The following USP48 variants were observed in gnomAD, a reference collection of about 807,000 sequenced individuals.
USP48 encodes the protein ubiquitin carboxyl-terminal hydrolase 48.
In USP48, 43 loss-of-function variants were observed where a neutral mutation model predicts 150.7. The ratio of observed to expected loss-of-function variants is 0.29; its 90% CI spans 0.22 to 0.37. USP48 has a LOEUF of 0.37. USP48 is among the 10% of genes least tolerant of loss of function. USP48 has a pLI of 1.00. For missense variants in USP48, 813 were observed against 1,249.6 expected (o/e 0.65, Z 5.27); for synonymous variants, 396 against 425.9 (o/e 0.93, Z 0.86).
At chr1:21,781,991 T>C (rs190617702) in intron 1 of USP48, 69 of 152,322 alleles carry the variant, frequency 4.5e-4, no homozygotes, top group African/African-American at 1.6e-3. Flanking sequence ...AGACCATGAC[T>C]TCCATTCCTT....
intron 9 of USP48, among the ~76,000 whole-genome samples, chr1:21,731,513 C>T (rs974318633): frequency 2.0e-5 from 3 of 151,822 alleles, no homozygotes; most frequent in Non-Finnish European, 4.4e-5. Context: ...ATCCTCCCTC[C>T]TCGGCCTCCC....
intron 26 of USP48, among the ~76,000 whole-genome samples, chr1:21,680,505 T>A (rs2097562984): frequency 6.6e-6 from 1 of 152,186 alleles, no homozygotes; most frequent in South Asian, 2.1e-4. Flanking sequence ...AGGTTAAAAA[T>A]AAATCTTGAA....
chr1:21,696,401 G>GCACTC (rs1448901226), intron 22 of USP48, among the ~76,000 whole-genome samples: 1 of 152,226 alleles, frequency 6.6e-6, no homozygotes, highest in Non-Finnish European at 1.5e-5. Context: ...TTGCGCCACT[G>GCACTC]CACTCCAGCC....
At chr1:21,780,804 G>A (rs1037748129) in intron 1 of USP48, among the ~76,000 whole-genome samples, 6 of 146,156 alleles carry the variant, frequency 4.1e-5, no homozygotes, top group East Asian at 2.0e-4. Context: ...GTGCAGTGGC[G>A]TGATCTCGGC....
At chr1:21,767,616 A>C (rs1328545809) in intron 1 of USP48, among the ~76,000 whole-genome samples, 3 of 147,228 alleles carry the variant, frequency 2.0e-5, no homozygotes, top group Admixed American at 6.8e-5. Context: ...AGCCACCGCG[A>C]CCCGGCCAGG....
chr1:21,777,940 G>T (rs1277612074), intron 1 of USP48, among the ~76,000 whole-genome samples: 1 of 144,244 alleles, frequency 6.9e-6, no homozygotes, highest in Non-Finnish European at 1.5e-5. Flanking sequence ...AGCCTGGCCA[G>T]CATAGTGAAA....
intron 11 of USP48, among the ~76,000 whole-genome samples, chr1:21,725,637 C>G (rs999474200): frequency 2.0e-5 from 3 of 148,562 alleles, no homozygotes; most frequent in African/African-American, 7.6e-5. Flanking sequence ...ACTGTAATAC[C>G]AGCTATTCGG....
intron 25 of USP48, among the ~76,000 whole-genome samples, chr1:21,681,844 A>C (rs1490172703): frequency 6.6e-6 from 1 of 152,116 alleles, no homozygotes; most frequent in African/African-American, 2.4e-5. Flanking sequence ...CTCTGTATTT[A>C]TCTCCAATTC....
At position 21,706,607 on chromosome 1, in the gene USP48, A is replaced by G. The variant is rs776989086; in HGVS notation, c.2089-18T>C. ...TCTAAAATCTGAAAGAGAATGAAGCAATCAACTGTCTCCTGCTGACAGCAC... is the reference window on the plus strand; with the variant it reads ...TCTAAAATCTGAAAGAGAATGAAGCGATCAACTGTCTCCTGCTGACAGCAC... On this transcript the variant is annotated intron_variant, in intron 16 of 26. Transcript: ENST00000308271. 1.9e-6 allele frequency: 3 copies of G among 1,614,034 alleles called. No individual in the cohort carries two copies. The African/African-American group carries it at 4.0e-5, about 22-fold the overall frequency.
intron 1 of USP48, among the ~76,000 whole-genome samples, chr1:21,771,381 A>G (rs527276152): frequency 1.2e-3 from 172 of 148,942 alleles, no homozygotes; most frequent in African/African-American, 4.1e-3. Flanking sequence ...CTCAAAAAAA[A>G]ATAAATTATT....
intron 8 of USP48, among the ~76,000 whole-genome samples, chr1:21,743,944 A>G (rs1341970077): frequency 6.6e-6 from 1 of 151,988 alleles, no homozygotes. Context: ...CAAGATCACT[A>G]AAAAAAAGAA....
intron 23 of USP48, 81 bp downstream of exon 23, chr1:21,694,985 A>G (rs1425775512): frequency 2.1e-6 from 3 of 1,410,802 alleles, no homozygotes; most frequent in African/African-American, 2.9e-5. Context: ...ATACATACAT[A>G]TATGTAAATA....
Position 21,704,398 on chromosome 1 carries a change from C to CA in USP48, c.2385-7dup, listed in dbSNP as rs749210471. ...TGGGCCATATGAGAGCTATACTGTG[C>CA]AAAAAAAAAACACAACATGCCTTAA... On this transcript the variant is annotated splice_region_variant and splice_polypyrimidine_tract_variant and intron_variant, in intron 19 of 26. Transcript: ENST00000308271. 20,618 of 1,144,608 alleles carry CA rather than the reference C, an allele frequency of 0.018. 5 individuals are homozygous for CA. Among genetic ancestry groups the CA allele is most frequent in the South Asian group, 0.038 (2,189 of 57,482 alleles). The allele number at this position is 1,144,608 out of a possible 1,614,324, so 70.9% of individuals were successfully genotyped here.
chr1:21,752,422 G>A, intron 5 of USP48, 105 bp downstream of exon 5: 1 of 1,368,776 alleles, frequency 7.3e-7, no homozygotes, highest in Non-Finnish European at 1.0e-6. Flanking sequence ...CAGGTCCCAT[G>A]ATAAACCACT....
chr1:21,688,280 G>A (rs899202656), intron 24 of USP48, among the ~76,000 whole-genome samples: 8 of 151,826 alleles, frequency 5.3e-5, no homozygotes, highest in Non-Finnish European at 1.0e-4. Context: ...GTGCAGTGGC[G>A]CAATCTCGGC....
chr1:21,687,145 C>T (rs370653900), intron 25 of USP48, 46 bp downstream of exon 25: 8 of 1,579,930 alleles, frequency 5.1e-6, no homozygotes, highest in Non-Finnish European at 6.1e-6. Flanking sequence ...ATCCCACCTC[C>T]GTCTAAAACC....
At chr1:21,721,300 C>A in intron 13 of USP48, 134 bp from the exon 14 acceptor site, 1 of 1,264,904 alleles carries the variant, frequency 7.9e-7, no homozygotes, top group South Asian at 1.5e-5. Flanking sequence ...TTGATTTTAA[C>A]CCACTTCCTA....
At chr1:21,743,988 A>C (rs979649469) in intron 8 of USP48, among the ~76,000 whole-genome samples, 14 of 152,212 alleles carry the variant, frequency 9.2e-5, no homozygotes, top group African/African-American at 3.4e-4. Flanking sequence ...GAGCGTCTAC[A>C]AAAGAATCTT....
At chr1:21,768,222 G>A (rs965870819) in intron 1 of USP48, 2 of 151,336 alleles carry the variant, frequency 1.3e-5, no homozygotes, top group African/African-American at 4.9e-5. Flanking sequence ...AAAAAAAAGA[G>A]TTTGCAAAAT....
Sources: gnomAD v4.1 joint callset for allele counts (sites outside exome capture counted in the v4.1 genomes callset) on GRCh38, gnomAD v4.1.1 for gene constraint, MANE v1.5 for transcripts, NCBI Gene and HGNC (gene_info 2026-07-23, HGNC 2026-07-21) for gene names.